Variants in CNTLN observed in about 807,000 individuals in gnomAD.
The protein encoded by CNTLN is centlein, centrosomal protein.
Under a neutral mutation model 180.0 loss-of-function variants are expected in CNTLN, and 212 were observed. The observed-to-expected ratio is 1.18, with a 90% CI of 1.05 to 1.32. The LOEUF is 1.32. Among genes scored for constraint, CNTLN ranks in the 40% most tolerant of loss-of-function variants. The probability of loss-of-function intolerance (pLI) is 0.00; values close to 1 mark genes in which losing one functional copy is unlikely to be tolerated. For synonymous variants in CNTLN, 722 were observed against 563.1 expected (o/e 1.28, Z -3.99); for missense variants, 2,095 against 1,610.9 (o/e 1.30, Z -5.14).
At chr9:17,259,284 T>C (rs1587371541) in intron 5 of CNTLN, among the ~76,000 whole-genome samples, 2 of 146,952 alleles carry the variant, frequency 1.4e-5, no homozygotes, top group East Asian at 4.0e-4. Flanking sequence ...CATTTATTGA[T>C]TTGCGTATAT....
intron 2 of CNTLN, among the ~76,000 whole-genome samples, chr9:17,193,730 C>T (rs553997205): frequency 1.3e-5 from 2 of 152,322 alleles, no homozygotes; most frequent in East Asian, 3.9e-4. Flanking sequence ...TAGTGCCCCT[C>T]TTCTCACAGT....
chr9:17,348,428 C>T (rs10963056), intron 12 of CNTLN, among the ~76,000 whole-genome samples: 9,119 of 152,144 alleles, frequency 0.06, 368 homozygotes, highest in South Asian at 0.13. Context: ...TCCCTTTTAC[C>T]TCTTTTCCTC....
At chr9:17,354,476 C>G (rs1054748656) in intron 12 of CNTLN, among the ~76,000 whole-genome samples, 1 of 152,152 alleles carries the variant, frequency 6.6e-6, no homozygotes, top group Non-Finnish European at 1.5e-5. Context: ...CACTCTGTAT[C>G]TAGCTCAAGG....
intron 2 of CNTLN, among the ~76,000 whole-genome samples, chr9:17,222,739 T>C (rs574192116): frequency 6.6e-6 from 1 of 152,174 alleles, no homozygotes; most frequent in South Asian, 2.1e-4. Context: ...TCTCAGTCTT[T>C]AGTGTGTTTG....
intron 2 of CNTLN, among the ~76,000 whole-genome samples, chr9:17,174,157 G>A (rs950838448): frequency 2.0e-5 from 3 of 152,084 alleles, no homozygotes; most frequent in Non-Finnish European, 2.9e-5. Flanking sequence ...TCAAATTTTT[G>A]TATATATCAG....
chr9:17,141,470 G>A (rs1460697855), intron 1 of CNTLN, among the ~76,000 whole-genome samples: 1 of 152,134 alleles, frequency 6.6e-6, no homozygotes, highest in Admixed American at 6.5e-5. Flanking sequence ...TTCAAGTAGA[G>A]CAAGTAGAGT....
Position 17,462,990 on chromosome 9 carries a change from A to G in CNTLN, c.3381A>G (p.Glu1127=). ...AATTTGAACTCCTAGCAAAAGAAGA[A>G]CACATAAAGGAAATGCATGAAAAGT... ...TLKFELLAKE[E]HIKEMHEKIS... is the part of the protein sequence containing the mutation. The change falls in exon 20 of 26, where the codon GAA becomes GAG. Residue 1127 remains glutamate (E), a synonymous_variant. Coordinates refer to ENST00000380647, the MANE Select transcript of CNTLN (RefSeq NM_017738.4). The G allele has an allele frequency of 5.7e-6, 9 of 1,585,622 alleles. No homozygotes were observed. The highest frequency in any genetic ancestry group is 7.7e-6 in the Non-Finnish European group (9 of 1,167,864).
At chr9:17,334,996 A>T (rs963978213) in intron 10 of CNTLN, among the ~76,000 whole-genome samples, 6 of 152,162 alleles carry the variant, frequency 3.9e-5, no homozygotes, top group African/African-American at 1.4e-4. Flanking sequence ...TGAGCCCAAA[A>T]ACTATAGAAC....
chr9:17,437,874 A>T (rs1446008398), intron 18 of CNTLN, among the ~76,000 whole-genome samples: 1 of 152,160 alleles, frequency 6.6e-6, no homozygotes, highest in African/African-American at 2.4e-5. Context: ...AGAGAGAGTT[A>T]TTCGTTCCTG....
chr9:17,278,906 T>C (rs1442412187), intron 6 of CNTLN, among the ~76,000 whole-genome samples: 1 of 152,136 alleles, frequency 6.6e-6, no homozygotes, highest in East Asian at 1.9e-4. Context: ...AGGGACTATA[T>C]TGCACATGTT....
At chr9:17,494,234 C>T (rs1564151756) in intron 25 of CNTLN, among the ~76,000 whole-genome samples, 1 of 152,118 alleles carries the variant, frequency 6.6e-6, no homozygotes, top group African/African-American at 2.4e-5. Flanking sequence ...CTACTAGTCT[C>T]CCCAGAAGAT....
chr9:17,308,991 CACACAG>C (rs924275754), intron 7 of CNTLN, 61 bp from the exon 8 acceptor site: 6 of 1,075,398 alleles, frequency 5.6e-6, no homozygotes, highest in African/African-American at 3.3e-5. Flanking sequence ...CACACACACA[CACACAG>C]ACACACAGAC....
chr9:17,402,552 A>G (rs1827064000), intron 15 of CNTLN, among the ~76,000 whole-genome samples: 1 of 151,792 alleles, frequency 6.6e-6, no homozygotes, highest in Admixed American at 6.6e-5. Flanking sequence ...TTTGGATGAG[A>G]TTAACATTTA....
chr9:17,414,645 C>G (rs1367459365), intron 16 of CNTLN, among the ~76,000 whole-genome samples: 1 of 152,012 alleles, frequency 6.6e-6, no homozygotes, highest in Non-Finnish European at 1.5e-5. Context: ...GAAAGGAAAA[C>G]CTTATTTTAG....
chr9:17,348,649 G>T (rs1263212842), intron 12 of CNTLN, among the ~76,000 whole-genome samples: 4 of 151,720 alleles, frequency 2.6e-5, no homozygotes, highest in Non-Finnish European at 4.4e-5. Flanking sequence ...TCCTGCCTCA[G>T]CCTCCCTAGT....
chr9:17,164,526 G>A (rs532745121), intron 2 of CNTLN, among the ~76,000 whole-genome samples: 1 of 131,760 alleles, frequency 7.6e-6, no homozygotes, highest in Non-Finnish European at 1.5e-5. Context: ...GTGGAGTGAC[G>A]CTACCTCGGC....
At chr9:17,147,085 A>G (rs774697902) in intron 2 of CNTLN, among the ~76,000 whole-genome samples, 5 of 152,076 alleles carry the variant, frequency 3.3e-5, no homozygotes, top group Admixed American at 6.5e-5. Context: ...TTTTTTGTAT[A>G]TCTGTTTACC....
At chr9:17,395,461 A>T (rs1189290195) in intron 15 of CNTLN, among the ~76,000 whole-genome samples, 2 of 152,122 alleles carry the variant, frequency 1.3e-5, no homozygotes, top group Non-Finnish European at 2.9e-5. Flanking sequence ...TTATCTTGTG[A>T]CATACCAACC....
At chr9:17,387,989 T>A (rs114078111) in intron 13 of CNTLN, among the ~76,000 whole-genome samples, 173 bp from the exon 14 acceptor site, 2 of 150,440 alleles carry the variant, frequency 1.3e-5, no homozygotes, top group Admixed American at 6.6e-5. Flanking sequence ...TACATAATTA[T>A]GTTGCTAAAA....
Sources: allele counts gnomAD v4.1 joint callset (sites outside exome capture counted in the v4.1 genomes callset), GRCh38; gene constraint gnomAD v4.1.1; transcripts MANE v1.5; gene names NCBI Gene and HGNC (gene_info 2026-07-23, HGNC 2026-07-21).